Variants in RGL1 observed in about 807,000 individuals in gnomAD.
RGL1 encodes ral guanine nucleotide dissociation stimulator like 1, also known as ral guanine nucleotide dissociation stimulator-like 1.
Under a neutral mutation model 95.2 loss-of-function variants are expected in RGL1, and 24 were observed. The observed-to-expected ratio is 0.25, with a 90% CI of 0.18 to 0.35. The LOEUF (loss-of-function observed/expected upper bound fraction) is 0.35. Ranked by LOEUF, RGL1 falls within the 10% of genes least tolerant of loss-of-function variation. The pLI is 1.00. For synonymous variants in RGL1, 329 were observed against 344.9 expected (o/e 0.95, Z 0.51); for missense variants, 715 against 936.3 (o/e 0.76, Z 3.08).
intron 2 of RGL1, among the ~76,000 whole-genome samples, chr1:183,825,633 G>A (rs766760008): frequency 1.3e-5 from 2 of 152,180 alleles, no homozygotes; most frequent in Non-Finnish European, 2.9e-5. Context: ...GGAAAGGCCA[G>A]GAGGTTATCA....
chr1:183,772,882 G>A (rs1471859904), intron 2 of RGL1, among the ~76,000 whole-genome samples: 6 of 151,174 alleles, frequency 4.0e-5, no homozygotes, highest in African/African-American at 7.3e-5. Context: ...GGTGGCGGGC[G>A]CCTGTAGTCC....
intron 1 of RGL1, among the ~76,000 whole-genome samples, chr1:183,657,657 A>T (rs1157474684): frequency 6.6e-6 from 1 of 151,816 alleles, no homozygotes; most frequent in Non-Finnish European, 1.5e-5. Flanking sequence ...TCCATGGTGT[A>T]TATGTGCCAC....
intron 14 of RGL1, among the ~76,000 whole-genome samples, chr1:183,909,311 T>C (rs541759710): frequency 6.6e-6 from 1 of 152,308 alleles, no homozygotes; most frequent in African/African-American, 2.4e-5. Flanking sequence ...GGAGAAAACT[T>C]TGGGTGCTTA....
chr1:183,904,995 G>T (rs1668236535), intron 13 of RGL1, 24 bp downstream of exon 13: 1 of 1,600,658 alleles, frequency 6.2e-7, no homozygotes, highest in African/African-American at 1.3e-5. Context: ...TCGTTCATCG[G>T]GGTAGAACTG....
Position 183,916,438 on chromosome 1 carries a change from C to T in RGL1, c.1750-9C>T, listed in dbSNP as rs1413905063. 3 of 1,613,460 alleles carry T rather than the reference C, an allele frequency of 1.9e-6. No individual in the cohort carries two copies. Among genetic ancestry groups the T allele is most frequent in the Non-Finnish European group, 2.5e-6 (3 of 1,179,544 alleles). ...TCTGTTTTCTTCTGGGGTGTGTTTA[C>T]TCTTCCAGCTCTCTGAGTCCTCCTC... is the stretch of plus-strand genomic sequence containing the variant. On this transcript the variant is annotated splice_polypyrimidine_tract_variant and intron_variant, in intron 15 of 17. Transcript: ENST00000360851.
At chr1:183,657,775 G>C (rs1651287095) in intron 1 of RGL1, among the ~76,000 whole-genome samples, 1 of 151,612 alleles carries the variant, frequency 6.6e-6, no homozygotes, top group African/African-American at 2.4e-5. Context: ...CTTTATAGCA[G>C]CATGATTTAT....
intron 9 of RGL1, 55 bp from the exon 10 acceptor site, chr1:183,897,753 C>T (rs2102687867): frequency 1.5e-6 from 2 of 1,341,956 alleles, no homozygotes; most frequent in South Asian, 2.4e-5. Context: ...CTCTTTACTT[C>T]TTACCATTGT....
At chr1:183,654,037 G>A (rs939274824) in intron 1 of RGL1, among the ~76,000 whole-genome samples, 2 of 152,142 alleles carry the variant, frequency 1.3e-5, no homozygotes, top group African/African-American at 4.8e-5. Flanking sequence ...ATAACTATTG[G>A]CTGTAAGCAG....
At position 183,912,242 on chromosome 1, in the gene RGL1, G is replaced by A. The variant is rs1668687382; in HGVS notation, c.1723G>A (p.Asp575Asn). ...TGAGGAGGGCTCCATTACTCCCATG[G>A]ACACCCCTGATGAGCCTCAAAAAAA... ...EAEEGSITPMDTPDEPQKKLS... is the reference protein window; with the variant it reads ...EAEEGSITPMNTPDEPQKKLS... The change falls in exon 15 of 18, where the codon GAC (aspartate) becomes AAC (asparagine). Residue 575 changes from aspartate (D) to asparagine (N), a missense_variant. Transcript: ENST00000360851. 6.2e-7 allele frequency: 1 copy of A among 1,613,808 alleles called. No homozygotes were observed.
At chr1:183,831,023 A>C (rs961317705) in intron 2 of RGL1, among the ~76,000 whole-genome samples, 15 of 152,216 alleles carry the variant, frequency 9.9e-5, no homozygotes, top group Non-Finnish European at 2.1e-4. Context: ...TATGCACCAG[A>C]GACACAGTGG....
At chr1:183,776,982 A>G (rs1398399740) in intron 2 of RGL1, among the ~76,000 whole-genome samples, 1 of 152,248 alleles carries the variant, frequency 6.6e-6, no homozygotes, top group East Asian at 1.9e-4. Context: ...TTTAATGGAC[A>G]GAAACTTACT....
intron 3 of RGL1, among the ~76,000 whole-genome samples, chr1:183,849,154 A>G (rs949535932): frequency 1.3e-5 from 2 of 152,102 alleles, no homozygotes; most frequent in African/African-American, 2.4e-5. Context: ...CAGTCACACA[A>G]TCATAGCTCA....
chr1:183,928,521 G>T lies in RGL1; in HGVS notation c.*2229G>T, dbSNP rs189644389. 3.3e-5 allele frequency: 5 copies of T among 152,704 alleles called. No individual in the cohort carries two copies. In the East Asian group the frequency reaches 7.7e-4, roughly 24 times the overall value. The allele number at this position is 152,704 out of a possible 1,614,324, so 9.5% of individuals were successfully genotyped here. A position where few individuals can be genotyped will look rare whatever the true frequency, so the allele number is the denominator to read the frequency against. Reference sequence around the variant, plus strand: ...GGGACTTGGCTGGCATGTGCTGCCAGACCCAAAGGGATTGTATCTGGATTA... The same window carrying T: ...GGGACTTGGCTGGCATGTGCTGCCATACCCAAAGGGATTGTATCTGGATTA... On this transcript the variant is annotated 3_prime_UTR_variant, in exon 18 of 18. Transcript: ENST00000360851.
At position 183,645,923 on chromosome 1, in the gene RGL1, G is replaced by C. The variant is rs1022305226; in HGVS notation, c.-33+9422G>C. On this transcript the variant is annotated intron_variant, in intron 1 of 18. Transcript: ENST00000304685. ...CAGTACAAAAGTTTAACTGCCAAAG[G>C]CACTTTCTTTCCTATAGTTCTGACA... Among the ~76,000 whole-genome samples, 121 of 152,150 alleles carry C rather than the reference G, an allele frequency of 8.0e-4. 1 individual carries two copies. Among genetic ancestry groups the C allele is most frequent in the Non-Finnish European group, 3.7e-4 (25 of 68,008 alleles).
chr1:183,815,270 T>C (rs1662007761), intron 2 of RGL1, among the ~76,000 whole-genome samples: 1 of 24,066 alleles, frequency 4.2e-5, no homozygotes, highest in South Asian at 2.6e-3. Flanking sequence ...CGAAACTCCA[T>C]CTCAAAAAAA....
intron 2 of RGL1, among the ~76,000 whole-genome samples, chr1:183,771,978 C>A (rs1028002652): frequency 1.3e-5 from 2 of 152,210 alleles, no homozygotes; most frequent in Non-Finnish European, 1.5e-5. Context: ...CACAGGCACT[C>A]AAGCAGGCTA....
intron 1 of RGL1, among the ~76,000 whole-genome samples, chr1:183,659,814 C>T (rs556419516): frequency 2.0e-4 from 31 of 151,560 alleles, no homozygotes; most frequent in Middle Eastern, 3.4e-3. Flanking sequence ...AGAGAAAGGT[C>T]GGGTTACCCA....
At chr1:183,848,850 T>A (rs1240357730) in intron 3 of RGL1, among the ~76,000 whole-genome samples, 2 of 152,094 alleles carry the variant, frequency 1.3e-5, no homozygotes, top group African/African-American at 4.8e-5. Flanking sequence ...AGTAAAATAT[T>A]TTTTTCTCCA....
In RGL1 at chr1:183,904,916, G is replaced by T. The variant is rs547573224; in HGVS notation, c.1417G>T (p.Asp473Tyr). 1 of 1,613,826 alleles carries T rather than the reference G, an allele frequency of 6.2e-7. No individual in the cohort carries two copies. The highest frequency in any genetic ancestry group is 1.3e-5 in the African/African-American group (1 of 74,992). The change falls in exon 13 of 18, where the codon GAC (aspartate) becomes TAC (tyrosine). Residue 473 changes from aspartate to tyrosine, a missense_variant. Asp to Tyr is a radical substitution (Grantham distance 160, BLOSUM62 -3). Transcript: ENST00000360851. ...SACNSYCMTP[D>Y]QKFIQWFQRQ... ...CTGCAACAGCTATTGCATGACCCCA[G>T]ACCAAAAGTTCATCCAGTGGTTCCA... is the stretch of plus-strand genomic sequence containing the variant.
Sources: gnomAD v4.1 joint callset for allele counts (sites outside exome capture counted in the v4.1 genomes callset) on GRCh38, gnomAD v4.1.1 for gene constraint, MANE v1.5 for transcripts, NCBI Gene and HGNC (gene_info 2026-07-23, HGNC 2026-07-21) for gene names.